The following ADAM22 variants were observed in gnomAD, a reference collection of about 807,000 sequenced individuals.
ADAM22 encodes disintegrin and metalloproteinase domain-containing protein 22.
In ADAM22, 65 loss-of-function variants were observed where a neutral mutation model predicts 144.6. The ratio of observed to expected loss-of-function variants is 0.45; its 90% CI spans 0.37 to 0.55. ADAM22 has a LOEUF of 0.55. Among genes scored for constraint, ADAM22 ranks in the 20% least tolerant of loss-of-function variants. The probability of loss-of-function intolerance (pLI) is 0.00; values close to 1 mark genes in which losing one functional copy is unlikely to be tolerated. For missense variants in ADAM22, 974 were observed against 1,184.9 expected, an observed-to-expected ratio of 0.82 and a Z score of 2.61; for synonymous variants, 391 against 412.6, an observed-to-expected ratio of 0.95 and a Z score of 0.63.
chr7:87,945,600 C>T (rs1259177194), intron 2 of ADAM22, among the ~76,000 whole-genome samples: 1 of 151,474 alleles, frequency 6.6e-6, no homozygotes, highest in Non-Finnish European at 1.5e-5. Context: ...GCAACCTCCA[C>T]CCTCCGAGTT....
intron 4 of ADAM22, among the ~76,000 whole-genome samples, chr7:88,106,613 G>A (rs533477228): frequency 3.9e-4 from 60 of 152,304 alleles, no homozygotes; most frequent in Admixed American, 1.6e-3. Context: ...ATCTCAGTGA[G>A]TCAATTTAAT....
intron 3 of ADAM22, among the ~76,000 whole-genome samples, chr7:87,998,168 T>C (rs1452701131): frequency 6.6e-6 from 1 of 152,124 alleles, no homozygotes; most frequent in Non-Finnish European, 1.5e-5. Flanking sequence ...GCTTTTATCC[T>C]AGGCACACTT....
intron 4 of ADAM22, among the ~76,000 whole-genome samples, chr7:88,082,067 T>C (rs1243648134): frequency 6.6e-6 from 1 of 152,148 alleles, no homozygotes; most frequent in Non-Finnish European, 1.5e-5. Context: ...GGAGGCATCA[T>C]GCTACCTGAC....
chr7:88,059,730 A>G lies in ADAM22; in HGVS notation c.324-15896A>G, dbSNP rs143421406. ...TTTTGCAGGAACGTGAATACAGCTG[A>G]AGACCATTGTCCTAAGTGAATTAGT... On this transcript the variant is annotated intron_variant, in intron 3 of 31. Transcript: ENST00000413139. Among the ~76,000 whole-genome samples, 82 of 152,344 alleles carry G rather than the reference A, an allele frequency of 5.4e-4. 1 individual carries two copies. The highest frequency in any genetic ancestry group is 1.9e-3 in the African/African-American group (78 of 41,586).
intron 3 of ADAM22, among the ~76,000 whole-genome samples, chr7:88,055,322 AG>A (rs1807907661): frequency 6.6e-6 from 1 of 151,966 alleles, no homozygotes; most frequent in African/African-American, 2.4e-5. Flanking sequence ...TCTTGGGGTC[AG>A]GAAGTAGAGA....
intron 31 of ADAM22, among the ~76,000 whole-genome samples, chr7:88,193,451 G>C (rs754721064): frequency 2.0e-5 from 3 of 152,112 alleles, no homozygotes; most frequent in Non-Finnish European, 4.4e-5. Flanking sequence ...GGTACATTTT[G>C]TGTAATTAAT....
At chr7:88,162,133 C>CACACACACACACACACACACACACA (rs1554510200) in intron 22 of ADAM22, among the ~76,000 whole-genome samples, 2 of 149,498 alleles carry the variant, frequency 1.3e-5, no homozygotes, top group East Asian at 2.0e-4. Flanking sequence ...CACACACACA[C>CACACACACACACACACACACACACA]CATGGAATAC....
chr7:88,190,879 T>G (rs1410113596), intron 30 of ADAM22, among the ~76,000 whole-genome samples: 2 of 152,126 alleles, frequency 1.3e-5, no homozygotes, highest in African/African-American at 4.8e-5. Flanking sequence ...CAGGACCCTT[T>G]CCCCTGCTAA....
chr7:88,187,715 A>T (rs1848631101), intron 30 of ADAM22, among the ~76,000 whole-genome samples: 1 of 152,204 alleles, frequency 6.6e-6, no homozygotes, highest in Non-Finnish European at 1.5e-5. Flanking sequence ...CATTGAACAG[A>T]TATCAAAATA....
chr7:88,066,402 A>G (rs1811257385), intron 3 of ADAM22, among the ~76,000 whole-genome samples: 1 of 152,152 alleles, frequency 6.6e-6, no homozygotes, highest in African/African-American at 2.4e-5. Context: ...TGAAGTAGCC[A>G]TTTAAGAAGC....
chr7:88,142,703 T>C (rs528767791), intron 14 of ADAM22, among the ~76,000 whole-genome samples: 1 of 152,062 alleles, frequency 6.6e-6, no homozygotes, highest in Non-Finnish European at 1.5e-5. Flanking sequence ...CTGGGCATGG[T>C]GGCGGGCGCC....
At chr7:88,031,385 T>G (rs983867884) in intron 3 of ADAM22, among the ~76,000 whole-genome samples, 2 of 152,174 alleles carry the variant, frequency 1.3e-5, no homozygotes, top group Admixed American at 6.5e-5. Context: ...GTGACCAAAA[T>G]GCTGATAGTG....
intron 4 of ADAM22, among the ~76,000 whole-genome samples, chr7:88,089,169 G>T (rs1355241011): frequency 1.3e-5 from 2 of 151,870 alleles, no homozygotes; most frequent in Non-Finnish European, 2.9e-5. Context: ...GCTTACCCTG[G>T]ATATAAAATT....
chr7:88,036,403 G>A (rs1801532816), intron 3 of ADAM22, among the ~76,000 whole-genome samples: 1 of 152,030 alleles, frequency 6.6e-6, no homozygotes, highest in South Asian at 2.1e-4. Context: ...TGAGGGCTGG[G>A]GATGGACATG....
At chr7:88,086,753 A>C (rs1018030476) in intron 4 of ADAM22, among the ~76,000 whole-genome samples, 4 of 152,228 alleles carry the variant, frequency 2.6e-5, no homozygotes, top group Non-Finnish European at 5.9e-5. Context: ...AAGACAAAGG[A>C]CATTGGAATT....
At chr7:88,125,737 G>C in intron 8 of ADAM22, 78 bp downstream of exon 8, 1 of 1,156,490 alleles carries the variant, frequency 8.6e-7, no homozygotes, top group South Asian at 1.6e-5. Flanking sequence ...CAGTAAGTCT[G>C]TGTGAGAGGG....
intron 2 of ADAM22, among the ~76,000 whole-genome samples, chr7:87,977,339 A>G (rs572751337): frequency 1.2e-4 from 19 of 152,336 alleles, no homozygotes; most frequent in Admixed American, 9.1e-4. Flanking sequence ...CAGAATCCTA[A>G]GATGTCCGTT....
At position 88,150,945 on chromosome 7, in the gene ADAM22, A is replaced by T. The variant is rs758058992; in HGVS notation, c.1567-36A>T. The stretch of plus-strand genomic sequence containing the variant: ...GGTTTAGCTCAGCCTTATATTTTGC[A>T]CTGCATTTCATTCATAGTTGTTCTC... On this transcript the variant is annotated intron_variant, in intron 18 of 31. Coordinates refer to ENST00000413139, the MANE Select transcript of ADAM22 (RefSeq NM_001324418.2). The T allele has an allele frequency of 2.6e-6, 4 of 1,540,634 alleles. No homozygotes were observed. The Admixed American group carries it at 5.1e-5, about 19-fold the overall frequency.
At chr7:87,939,180 C>A (rs1267307747) in intron 2 of ADAM22, among the ~76,000 whole-genome samples, 3 of 152,084 alleles carry the variant, frequency 2.0e-5, no homozygotes, top group East Asian at 3.8e-4. Flanking sequence ...AGGGTGGGAT[C>A]TCTGGGGAAG....
Sources: gnomAD v4.1 joint callset for allele counts (sites outside exome capture counted in the v4.1 genomes callset) on GRCh38, gnomAD v4.1.1 for gene constraint, MANE v1.5 for transcripts, NCBI Gene and HGNC (gene_info 2026-07-23, HGNC 2026-07-21) for gene names.